GLT1D1: variants seen among roughly 807,000 people sequenced by gnomAD.
GLT1D1 encodes glycosyltransferase 1 domain containing 1.
Under a neutral mutation model 28.7 loss-of-function variants are expected in GLT1D1, and 21 were observed. The ratio of observed to expected loss-of-function variants is 0.73; its 90% confidence interval spans 0.52 to 1.05. GLT1D1 has a LOEUF of 1.05. GLT1D1 is among the 50% of genes least tolerant of loss of function. The pLI, the probability that GLT1D1 is intolerant of heterozygous loss-of-function variation, is 0.00. For missense variants in GLT1D1, 343 were observed against 330.6 expected (o/e 1.04, Z -0.29); for synonymous variants, 147 against 124.8 (o/e 1.18, Z -1.19).
At chr12:128,975,650 C>A (rs1436949597) in intron 7 of GLT1D1, among the ~76,000 whole-genome samples, 1 of 152,106 alleles carries the variant, frequency 6.6e-6, no homozygotes, top group African/African-American at 2.4e-5. Flanking sequence ...CAGGGTTTCA[C>A]CATGTTGGCC....
chr12:128,867,106 G>T (rs1402120710), intron 1 of GLT1D1, among the ~76,000 whole-genome samples: 1 of 151,698 alleles, frequency 6.6e-6, no homozygotes, highest in Non-Finnish European at 1.5e-5. Context: ...GCTCTAGAAA[G>T]TTGGCCCTTG....
At chr12:128,876,194 T>G (rs1956867231) in intron 2 of GLT1D1, 132 bp downstream of exon 2, 21 of 753,100 alleles carry the variant, frequency 2.8e-5, no homozygotes, top group Non-Finnish European at 3.7e-5. Context: ...CAATAATCTC[T>G]TTGGTTTGCT....
intron 1 of GLT1D1, among the ~76,000 whole-genome samples, chr12:128,866,948 C>T (rs1369368432): frequency 6.6e-6 from 1 of 152,016 alleles, no homozygotes; most frequent in Non-Finnish European, 1.5e-5. Flanking sequence ...TTAGCGGGAA[C>T]TCCCCTGCCC....
intron 2 of GLT1D1, among the ~76,000 whole-genome samples, chr12:128,877,840 C>T (rs1956910072): frequency 6.6e-6 from 1 of 152,172 alleles, no homozygotes; most frequent in Non-Finnish European, 1.5e-5. Context: ...TGGTCTGTCT[C>T]AGGGTTTCCC....
chr12:128,856,716 G>A (rs570128978), intron 1 of GLT1D1, among the ~76,000 whole-genome samples: 1 of 152,270 alleles, frequency 6.6e-6, no homozygotes, highest in East Asian at 1.9e-4. Flanking sequence ...GCTTGTACAT[G>A]TGGTGGGGAA....
At chr12:128,886,088 C>T (rs1367204316) in intron 2 of GLT1D1, among the ~76,000 whole-genome samples, 3 of 152,150 alleles carry the variant, frequency 2.0e-5, no homozygotes, top group African/African-American at 7.2e-5. Flanking sequence ...TCCCTGCACA[C>T]GCTGTCTTCT....
chr12:128,865,176 G>A (rs1956484028), intron 1 of GLT1D1, among the ~76,000 whole-genome samples: 1 of 152,158 alleles, frequency 6.6e-6, no homozygotes. Flanking sequence ...GGGCCCCTCA[G>A]TGACATAACC....
intron 7 of GLT1D1, among the ~76,000 whole-genome samples, chr12:128,966,131 C>A (rs530748353): frequency 1.6e-4 from 25 of 152,348 alleles, no homozygotes; most frequent in Non-Finnish European, 2.9e-4. Context: ...CCCCCTGCAA[C>A]CACTGCATCT....
intron 7 of GLT1D1, among the ~76,000 whole-genome samples, chr12:128,967,372 C>T (rs186569517): frequency 7.1e-4 from 108 of 152,334 alleles, no homozygotes; most frequent in Non-Finnish European, 8.7e-4. Flanking sequence ...GGCAGGGCTG[C>T]GCTGAGATCT....
chr12:128,874,114 C>CTT (rs1956796308), intron 1 of GLT1D1, among the ~76,000 whole-genome samples: 1 of 62,928 alleles, frequency 1.6e-5, no homozygotes, highest in Admixed American at 2.1e-4. Flanking sequence ...CTCTCTCTCT[C>CTT]TCTCTCTCTC....
At chr12:128,968,195 CA>C (rs1319090975) in intron 7 of GLT1D1, among the ~76,000 whole-genome samples, 3 of 151,812 alleles carry the variant, frequency 2.0e-5, no homozygotes, top group African/African-American at 7.2e-5. Context: ...TGGGGTTTCA[CA>C]GTGTTAGCCA....
At chr12:128,959,429 G>A (rs1555219991) in intron 7 of GLT1D1, among the ~76,000 whole-genome samples, 1 of 105,864 alleles carries the variant, frequency 9.4e-6, no homozygotes, top group Non-Finnish European at 2.0e-5. Flanking sequence ...GACGGGTGGG[G>A]AGGTGGCAGC....
intron 4 of GLT1D1, among the ~76,000 whole-genome samples, chr12:128,925,962 G>A (rs150869155): frequency 0.019 from 2,921 of 152,116 alleles, 93 homozygotes; most frequent in African/African-American, 0.065. Flanking sequence ...AGCCCAAGGC[G>A]GGCAGATCAC....
chr12:128,944,831 G>A (rs914946174), intron 4 of GLT1D1: 15 of 253,288 alleles, frequency 5.9e-5, no homozygotes, highest in Middle Eastern at 1.3e-3. Flanking sequence ...AAGTTCTGGG[G>A]TACATGTGCA....
At chr12:128,885,010 C>T (rs536242200) in intron 2 of GLT1D1, among the ~76,000 whole-genome samples, 21 of 151,154 alleles carry the variant, frequency 1.4e-4, no homozygotes, top group African/African-American at 4.9e-4. Context: ...CTGCCTTGGC[C>T]TCCCAAAGTG....
At chr12:128,859,198 T>C (rs1485286253) in intron 1 of GLT1D1, among the ~76,000 whole-genome samples, 1 of 152,244 alleles carries the variant, frequency 6.6e-6, no homozygotes, top group Non-Finnish European at 1.5e-5. Flanking sequence ...TTGACTCTTT[T>C]CATCAACAAC....
At chr12:128,961,861 C>A (rs1441615562) in intron 7 of GLT1D1, among the ~76,000 whole-genome samples, 2 of 152,188 alleles carry the variant, frequency 1.3e-5, no homozygotes. Context: ...AATTAACCAT[C>A]GTAAAGACTA....
At chr12:128,886,624 C>G (rs998077110) in intron 2 of GLT1D1, among the ~76,000 whole-genome samples, 5 of 151,836 alleles carry the variant, frequency 3.3e-5, no homozygotes, top group Non-Finnish European at 7.4e-5. Context: ...CCAGAGCCAT[C>G]AGGCTGGTGA....
chr12:128,940,212 C>T (rs949641907), intron 4 of GLT1D1, among the ~76,000 whole-genome samples: 5 of 151,956 alleles, frequency 3.3e-5, no homozygotes, highest in Middle Eastern at 6.3e-3. Context: ...AATAAGACTT[C>T]GACATTTGAC....
Sources: allele counts gnomAD v4.1 joint callset (sites outside exome capture counted in the v4.1 genomes callset), GRCh38; gene constraint gnomAD v4.1.1; transcripts MANE v1.5; gene names NCBI Gene and HGNC (gene_info 2026-07-23, HGNC 2026-07-21).